Variants in POTEC observed in about 807,000 individuals in gnomAD.
POTEC encodes the protein ANKRD26-like family B member 2.
A neutral mutation model predicts 62.0 loss-of-function variants in POTEC; 35 were observed. The ratio of observed to expected loss-of-function variants is 0.56; its 90% CI spans 0.43 to 0.75. The LOEUF is 0.75. Ranked by LOEUF, POTEC falls within the 30% of genes least tolerant of loss-of-function variation. The pLI is 0.00. For synonymous variants in POTEC, 156 were observed against 221.5 expected (o/e 0.70, Z 2.62); for missense variants, 472 against 655.9 (o/e 0.72, Z 3.06).
chr18:14,542,520 G>C, intron 1 of POTEC, 106 bp downstream of exon 1: 2 of 1,545,980 alleles, frequency 1.3e-6, no homozygotes, highest in Non-Finnish European at 1.8e-6. Context: ...GGGTGGTGTG[G>C]GGCCTGCGGA....
At chr18:14,529,651 T>C (rs796909639) in intron 6 of POTEC, among the ~76,000 whole-genome samples, 1 of 152,200 alleles carries the variant, frequency 6.6e-6, no homozygotes, top group African/African-American at 2.4e-5. Flanking sequence ...GCAATTTGTA[T>C]ATTTATTATG....
chr18:14,538,860 A>G (rs183343036), intron 1 of POTEC, among the ~76,000 whole-genome samples: 2 of 152,326 alleles, frequency 1.3e-5, no homozygotes, highest in African/African-American at 4.8e-5. Context: ...TTCATGATTT[A>G]CTATAATTAT....
chr18:14,526,256 C>G (rs1430205884), intron 6 of POTEC, among the ~76,000 whole-genome samples: 1 of 152,030 alleles, frequency 6.6e-6, no homozygotes, highest in African/African-American at 2.4e-5. Flanking sequence ...GCAGATCTTT[C>G]CCCAGATAAA....
chr18:14,533,888 C>T (rs1404647178), intron 4 of POTEC, among the ~76,000 whole-genome samples: 2 of 138,418 alleles, frequency 1.4e-5, no homozygotes, highest in African/African-American at 2.6e-5. Context: ...TTTTTTTTTT[C>T]CATGCCCAGC....
intron 1 of POTEC, among the ~76,000 whole-genome samples, chr18:14,542,418 AATT>A (rs1318320809): frequency 6.6e-6 from 1 of 152,152 alleles, no homozygotes; most frequent in African/African-American, 2.4e-5. Context: ...CTATAAGGGA[AATT>A]ATAATTGGAT....
intron 9 of POTEC, among the ~76,000 whole-genome samples, chr18:14,521,447 C>G (rs1910305043): frequency 6.6e-6 from 1 of 152,114 alleles, no homozygotes; most frequent in African/African-American, 2.4e-5. Context: ...GAGCTATTTC[C>G]TATTGGTAAG....
intron 7 of POTEC, among the ~76,000 whole-genome samples, chr18:14,524,298 G>A (rs1300518281): frequency 6.6e-6 from 1 of 152,124 alleles, no homozygotes; most frequent in Non-Finnish European, 1.5e-5. Context: ...TTATGACCTG[G>A]TTTCCTCCCT....
intron 9 of POTEC, among the ~76,000 whole-genome samples, chr18:14,521,661 T>A (rs1380423170): frequency 6.6e-6 from 1 of 152,122 alleles, no homozygotes; most frequent in African/African-American, 2.4e-5. Flanking sequence ...TTACCAACAG[T>A]GTATGAAATG....
intron 9 of POTEC, among the ~76,000 whole-genome samples, chr18:14,517,174 T>C (rs1221927611): frequency 6.6e-6 from 1 of 151,792 alleles, no homozygotes; most frequent in Non-Finnish European, 1.5e-5. Context: ...TCTACAATTC[T>C]GGAATATAAA....
intron 3 of POTEC, among the ~76,000 whole-genome samples, chr18:14,537,195 ACACACACAC>A (rs1367524348): frequency 1.2e-5 from 1 of 82,046 alleles, no homozygotes; most frequent in African/African-American, 7.9e-5. Context: ...ACACACACAC[ACACACACAC>A]ACACACAAAA....
intron 3 of POTEC, among the ~76,000 whole-genome samples, chr18:14,537,537 GA>G (rs983566377): frequency 1.8e-4 from 26 of 144,638 alleles, no homozygotes; most frequent in African/African-American, 5.1e-4. Context: ...GGGAAAAATT[GA>G]AAAAAAAAAG....
At position 14,508,734 on chromosome 18, in the gene POTEC, C is replaced by G. The variant is rs998720353; in HGVS notation, c.*3164G>C. The G allele has an allele frequency of 2.6e-5, 4 of 152,624 alleles. No homozygotes were observed. Among genetic ancestry groups the G allele is most frequent in the Non-Finnish European group, 4.4e-5 (3 of 68,034 alleles). 9.5% of individuals were successfully genotyped at this position (152,624 alleles called of 1,614,324 possible). A position where few individuals can be genotyped will look rare whatever the true frequency, so the allele number is the denominator to read the frequency against. On this transcript the variant is annotated 3_prime_UTR_variant, in exon 11 of 11. Transcript: ENST00000358970. ...TCTGCTTGTATCATTTCAGACATCTCAGCCTCAGCCCAGTTCTGAACACTT... is the reference window on the plus strand; with the variant it reads ...TCTGCTTGTATCATTTCAGACATCTGAGCCTCAGCCCAGTTCTGAACACTT...
intron 1 of POTEC, among the ~76,000 whole-genome samples, chr18:14,540,709 G>A (rs2143171303): frequency 6.6e-6 from 1 of 152,160 alleles, no homozygotes; most frequent in Non-Finnish European, 1.5e-5. Context: ...TCAGTATAAT[G>A]GAATAGATGG....
chr18:14,519,384 G>A (rs1910250340), intron 9 of POTEC, among the ~76,000 whole-genome samples: 1 of 152,112 alleles, frequency 6.6e-6, no homozygotes, highest in African/African-American at 2.4e-5. Context: ...CTGAGCTGGA[G>A]ACATACATTT....
chr18:14,538,377 G>C (rs2143166452), intron 1 of POTEC, 128 bp from the exon 2 acceptor site: 2 of 621,466 alleles, frequency 3.2e-6, no homozygotes, highest in East Asian at 5.5e-5. Flanking sequence ...TTCCTTTGAA[G>C]AAAGCACACT....
chr18:14,515,886 A>G (rs1419968117), intron 9 of POTEC, among the ~76,000 whole-genome samples: 4 of 152,018 alleles, frequency 2.6e-5, no homozygotes, highest in African/African-American at 9.7e-5. Context: ...ACATTGCTCA[A>G]AAGAAGATGT....
At chr18:14,540,682 T>C (rs1169153669) in intron 1 of POTEC, among the ~76,000 whole-genome samples, 1 of 152,182 alleles carries the variant, frequency 6.6e-6, no homozygotes, top group Non-Finnish European at 1.5e-5. Flanking sequence ...CAGCTGTGTC[T>C]GTTTCATATA....
intron 6 of POTEC, among the ~76,000 whole-genome samples, chr18:14,526,293 T>G (rs550047427): frequency 6.6e-6 from 1 of 152,256 alleles, no homozygotes; most frequent in Non-Finnish European, 1.5e-5. Flanking sequence ...TGAGGTAGCC[T>G]TAGGACCTCA....
intron 9 of POTEC, among the ~76,000 whole-genome samples, chr18:14,521,915 T>C (rs1360676415): frequency 6.6e-6 from 1 of 152,154 alleles, no homozygotes. Flanking sequence ...TTTTGCTTAT[T>C]ATGTGGCTGA....
Sources: allele counts gnomAD v4.1 joint callset (sites outside exome capture counted in the v4.1 genomes callset), GRCh38; gene constraint gnomAD v4.1.1; transcripts MANE v1.5; gene names NCBI Gene and HGNC (gene_info 2026-07-23, HGNC 2026-07-21).